The following THAP3 variants were observed in gnomAD, a reference collection of about 807,000 sequenced individuals.
The protein encoded by THAP3 is THAP domain containing 3.
A neutral mutation model predicts 17.7 loss-of-function variants in THAP3; 12 were observed. That is an observed-to-expected ratio of 0.68 (90% CI 0.43 to 1.10). The LOEUF is 1.10. Among genes scored for constraint, THAP3 ranks in the 50% least tolerant of loss-of-function variants. The pLI is 0.00. For synonymous variants in THAP3, 133 were observed against 126.9 expected (o/e 1.05, Z -0.32); for missense variants, 289 against 318.0 (o/e 0.91, Z 0.69).
Position 6,633,485 on chromosome 1 carries a change from C to T in THAP3, c.*408C>T. On this transcript the variant is annotated 3_prime_UTR_variant, in exon 6 of 6. Coordinates refer to ENST00000054650, the MANE Select transcript of THAP3 (RefSeq NM_001195753.2). The stretch of plus-strand genomic sequence containing the variant: ...TGGTCCCCTCCTCCATCAGCCTGGA[C>T]AGCCGCTCGGGGTTCTAAGGAGTGA... The T allele has an allele frequency of 8.9e-7, 1 of 1,128,208 alleles. No homozygotes were observed. The highest frequency in any genetic ancestry group is 2.3e-5 in the South Asian group (1 of 42,714). 69.9% of individuals were successfully genotyped at this position (1,128,208 alleles called of 1,614,324 possible).
chr1:6,625,864 C>T (rs911927701), intron 2 of THAP3, among the ~76,000 whole-genome samples: 1 of 152,220 alleles, frequency 6.6e-6, no homozygotes, highest in Non-Finnish European at 1.5e-5. Context: ...CGAAGGGGGG[C>T]TTGTGCTCAT....
chr1:6,625,173 C>T lies in THAP3; in HGVS notation c.-46C>T, dbSNP rs528331549. 8.0e-6 allele frequency: 12 copies of T among 1,493,702 alleles called. No individual in the cohort carries two copies. The highest frequency in any genetic ancestry group is 2.3e-4 in the Middle Eastern group (1 of 4,324). The allele number at this position is 1,493,702 out of a possible 1,614,324, so 92.5% of individuals were successfully genotyped here. On this transcript the variant is annotated 5_prime_UTR_variant, in exon 2 of 6. Transcript: ENST00000054650. Reference sequence around the variant, plus strand: ...AGGTCCCTCCCCTCTCCGCAGGCCCCGCCGCCGCCGCCATCTTTGTTGGGG... The same window carrying T: ...AGGTCCCTCCCCTCTCCGCAGGCCCTGCCGCCGCCGCCATCTTTGTTGGGG...
In THAP3 at chr1:6,628,619, C is replaced by T. The variant is rs767771684; in HGVS notation, c.195C>T (p.Ser65=). 1.8e-5 allele frequency: 29 copies of T among 1,613,830 alleles called. No individual in the cohort carries two copies. Among genetic ancestry groups the T allele is most frequent in the Middle Eastern group, 1.6e-4 (1 of 6,062 alleles). The part of the protein sequence containing the change: ...CSEHFRPECF[S]AFGNRKNLKH... ...AGCACTTCCGGCCAGAGTGCTTCAG[C>T]GCCTTTGGAAACCGCAAGAACCTAA... The change falls in exon 3 of 6, where the codon AGC becomes AGT. Residue 65 remains serine, a synonymous_variant. Coordinates refer to ENST00000054650, the MANE Select transcript of THAP3 (RefSeq NM_001195753.2).
downstream of THAP3, among the ~76,000 whole-genome samples, chr1:6,633,789 A>G (rs140481573): frequency 5.2e-3 from 794 of 152,234 alleles, 6 homozygotes; most frequent in African/African-American, 0.018. Context: ...ACACACCTGT[A>G]GTCCCAGCTA....
chr1:6,628,816 A>G (rs1641532505), intron 3 of THAP3, 125 bp downstream of exon 3: 1 of 944,334 alleles, frequency 1.1e-6, no homozygotes, highest in Non-Finnish European at 1.6e-6. Flanking sequence ...TGACAACAGC[A>G]CTGTCACGCC....
At chr1:6,628,298 G>A (rs11122109) in intron 2 of THAP3, 166,780 of 520,962 alleles carry the variant, frequency 0.32, 27,664 homozygotes, top group Middle Eastern at 0.39. Context: ...GGCCATGCTC[G>A]TGGTCTCGGG....
rs777199695 is a variant in THAP3, at chr1:6,630,284, G to C, written c.268-4G>C. 1.1e-5 allele frequency: 17 copies of C among 1,614,002 alleles called. No homozygotes were observed. Among genetic ancestry groups the C allele is most frequent in the Non-Finnish European group, 1.4e-5 (17 of 1,179,976 alleles). ...TGCATCCACTCTGTGTGTGTCTCTT[G>C]TAGCAGGTGAGGGAGAACACAGACC... On this transcript the variant is annotated splice_region_variant and splice_polypyrimidine_tract_variant and intron_variant, in intron 3 of 5. Transcript: ENST00000054650.
intron 3 of THAP3, 142 bp downstream of exon 3, chr1:6,628,833 G>A: frequency 3.7e-6 from 3 of 806,088 alleles, no homozygotes; most frequent in Non-Finnish European, 5.8e-6. Context: ...CGCCTCTGGG[G>A]TCCACAGCCC....
In THAP3 at chr1:6,633,252, T is replaced by G; in HGVS notation, c.*175T>G. 6.9e-7 allele frequency: 1 copy of G among 1,439,230 alleles called. No homozygotes were observed. Among genetic ancestry groups the G allele is most frequent in the Non-Finnish European group, 9.1e-7 (1 of 1,103,638 alleles). 89.2% of individuals were successfully genotyped at this position (1,439,230 alleles called of 1,614,324 possible). ...CCCCGGCGAGAGCCCCAATGCCGTC[T>G]GGGGGACGTTTAGAGGCGTGGCACT... On this transcript the variant is annotated 3_prime_UTR_variant, in exon 6 of 6. Transcript: ENST00000054650.
At chr1:6,632,083 GCA>G (rs1012567521) in intron 4 of THAP3, among the ~76,000 whole-genome samples, 22 of 151,912 alleles carry the variant, frequency 1.4e-4, no homozygotes, top group African/African-American at 4.8e-4. Flanking sequence ...AGGCGTGGTG[GCA>G]CATGCTTGTA....
At chr1:6,626,137 A>G (rs1020554421) in intron 2 of THAP3, among the ~76,000 whole-genome samples, 5 of 151,626 alleles carry the variant, frequency 3.3e-5, no homozygotes, top group East Asian at 2.0e-4. Context: ...AGGAGACCCT[A>G]CCTCTACAAA....
downstream of THAP3, chr1:6,635,109 C>T (rs1557461906): frequency 5.7e-6 from 1 of 175,302 alleles, no homozygotes; most frequent in East Asian, 1.5e-4. Flanking sequence ...AATTTCCAAA[C>T]CCGTTTGTTC....
intron 2 of THAP3, among the ~76,000 whole-genome samples, chr1:6,626,493 G>T (rs1235352427): frequency 6.6e-6 from 1 of 152,302 alleles, no homozygotes; most frequent in East Asian, 1.9e-4. Flanking sequence ...TTACTGATTT[G>T]TTCTACAATT....
downstream of THAP3, chr1:6,634,311 C>G (rs1367136683): frequency 1.0e-6 from 1 of 974,194 alleles, no homozygotes; most frequent in Non-Finnish European, 1.5e-6. Flanking sequence ...ACGACGCTCA[C>G]CGCGGCTCGG....
At chr1:6,630,607 C>G (rs1341331492) in intron 4 of THAP3, among the ~76,000 whole-genome samples, 2 of 152,136 alleles carry the variant, frequency 1.3e-5, no homozygotes, top group African/African-American at 4.8e-5. Context: ...CTGAGTCTCG[C>G]TCTGTCACCC....
intron 2 of THAP3, among the ~76,000 whole-genome samples, chr1:6,626,813 T>G (rs1215785487): frequency 6.6e-6 from 1 of 152,168 alleles, no homozygotes; most frequent in African/African-American, 2.4e-5. Context: ...ACCACTACAC[T>G]CCATCTTGGG....
rs970286782 is a variant in THAP3 at position 6,625,044 on chromosome 1, C to T, written c.-70+90C>T. ...CCCCTTTACGTGGCGCCCCGGGTCC[C>T]GTCCGACCCTGGGGAGACGCGGGTG... On this transcript the variant is annotated intron_variant, in intron 1 of 5. Transcript: ENST00000054650. 2.0e-5 allele frequency: 13 copies of T among 665,264 alleles called. 1 individual carries two copies. Among genetic ancestry groups the T allele is most frequent in the South Asian group, 4.0e-5 (2 of 50,162 alleles). The allele number at this position is 665,264 out of a possible 1,614,324, so 41.2% of individuals were successfully genotyped here. A position where few individuals can be genotyped will look rare whatever the true frequency, so the allele number is the denominator to read the frequency against.
At chr1:6,631,367 C>T (rs981617973) in intron 4 of THAP3, among the ~76,000 whole-genome samples, 4 of 152,136 alleles carry the variant, frequency 2.6e-5, no homozygotes, top group African/African-American at 9.7e-5. Flanking sequence ...GTGGCTCACG[C>T]TTATAATCCC....
At chr1:6,626,203 G>T (rs1641466389) in intron 2 of THAP3, among the ~76,000 whole-genome samples, 4 of 152,008 alleles carry the variant, frequency 2.6e-5, no homozygotes, top group Admixed American at 2.6e-4. Flanking sequence ...CCAGCTGCTC[G>T]GGAGACTGAA....
Sources: allele counts gnomAD v4.1 joint callset (sites outside exome capture counted in the v4.1 genomes callset), GRCh38; gene constraint gnomAD v4.1.1; transcripts MANE v1.5; gene names NCBI Gene and HGNC (gene_info 2026-07-23, HGNC 2026-07-21).